DNAH14: variants seen among roughly 807,000 people sequenced by gnomAD.
The protein encoded by DNAH14 is dynein axonemal heavy chain 14.
A neutral mutation model predicts 520.9 loss-of-function variants in DNAH14; 478 were observed. The observed-to-expected ratio is 0.92, with a 90% CI of 0.85 to 0.99. The LOEUF is 0.99. DNAH14 is among the 50% of genes least tolerant of loss of function. DNAH14 has a pLI of 0.00. For synonymous variants in DNAH14, 1,581 were observed against 1,757.2 expected (o/e 0.90, Z 2.51); for missense variants, 4,831 against 5,234.5 (o/e 0.92, Z 2.38).
rs1277363494 is a variant in DNAH14 at position 225,007,465 on chromosome 1, A to G, written c.1028A>G (p.Gln343Arg). The change falls in exon 10 of 86, where the codon CAG becomes CGG. Residue 343 changes from glutamine (Q) to arginine (R), a missense_variant. Coordinates refer to ENST00000682510, the MANE Select transcript of DNAH14 (RefSeq NM_001367479.1). ...SLDEFCEEQL[Q>R]QATQALKQLE... ...GATGAATTTTGTGAAGAGCAGTTAC[A>G]GCAAGCTACCCAGGCATTGAAACAA... 1.9e-6 allele frequency: 3 copies of G among 1,542,398 alleles called. No homozygotes were observed. Among genetic ancestry groups the G allele is most frequent in the Non-Finnish European group, 2.6e-6 (3 of 1,141,602 alleles).
chr1:225,367,886 G>A lies in DNAH14; in HGVS notation c.12172G>A (p.Glu4058Lys), dbSNP rs1413317259. The A allele has an allele frequency of 1.2e-5, 18 of 1,551,504 alleles. No homozygotes were observed. Among genetic ancestry groups the A allele is most frequent in the African/African-American group, 2.7e-5 (2 of 73,044 alleles). ...GCTGSGEVTEEIFENPDCGQW... is the reference protein window; with the variant it reads ...GCTGSGEVTEKIFENPDCGQW... ...TACTGGGAGTGGAGAGGTAACAGAA[G>A]AGATATTTGAAAATCCTGACTGTGG... Residue 4058 changes from glutamate to lysine, a missense_variant, in exon 77 of 86, where the codon GAG (glutamate) becomes AAG (lysine). Physicochemically the swap from Glu to Lys is moderately conservative, Grantham distance 56. Coordinates refer to ENST00000682510, the MANE Select transcript of DNAH14 (RefSeq NM_001367479.1).
At chr1:225,046,864 A>G (rs1341454863) in intron 15 of DNAH14, among the ~76,000 whole-genome samples, 1 of 151,942 alleles carries the variant, frequency 6.6e-6, no homozygotes, top group East Asian at 1.9e-4. Flanking sequence ...TGGAAGAGTA[A>G]TTCTCCCCAG....
At chr1:225,308,559 T>G in intron 60 of DNAH14, 149 bp downstream of exon 60, 1 of 804,524 alleles carries the variant, frequency 1.2e-6, no homozygotes, top group Non-Finnish European at 1.9e-6. Context: ...AACTATTTAT[T>G]GAGTCCCTAC....
chr1:225,104,025 T>C (rs983005529), intron 23 of DNAH14, among the ~76,000 whole-genome samples: 1 of 152,110 alleles, frequency 6.6e-6, no homozygotes, highest in African/African-American at 2.4e-5. Context: ...GTGGCGTGGG[T>C]TTGTCATAGC....
intron 77 of DNAH14, 33 bp from the exon 78 acceptor site, chr1:225,374,655 C>T: frequency 6.7e-7 from 1 of 1,489,158 alleles, no homozygotes. Context: ...GAAACACATA[C>T]TGAAATAATA....
rs1264801752 is a variant in DNAH14, at chr1:225,266,671, C to A, written c.7441C>A (p.Pro2481Thr). ...ILIFIDDMNM[P>T]VSDMYGAQPP... Reference sequence around the variant, plus strand: ...AATATTTATTGATGATATGAATATGCCAGTATCAGATATGTATGGAGCACA... The same window carrying A: ...AATATTTATTGATGATATGAATATGACAGTATCAGATATGTATGGAGCACA... Residue 2481 changes from proline to threonine, a missense_variant, in exon 49 of 86, where the codon CCA becomes ACA. Pro to Thr is a conservative substitution (Grantham distance 38). Coordinates refer to ENST00000682510, the MANE Select transcript of DNAH14 (RefSeq NM_001367479.1). 7.3e-6 allele frequency: 11 copies of A among 1,504,492 alleles called. No individual in the cohort carries two copies. The East Asian group carries it at 2.8e-4, about 38-fold the overall frequency. The allele number at this position is 1,504,492 out of a possible 1,614,324, so 93.2% of individuals were successfully genotyped here.
At chr1:225,221,237 A>T (rs1213812981) in intron 41 of DNAH14, among the ~76,000 whole-genome samples, 1 of 152,232 alleles carries the variant, frequency 6.6e-6, no homozygotes, top group Non-Finnish European at 1.5e-5. Flanking sequence ...CATTCAGGAC[A>T]TAGGCATGGG....
At chr1:225,095,273 A>G (rs774005183) in intron 21 of DNAH14, among the ~76,000 whole-genome samples, 7 of 150,906 alleles carry the variant, frequency 4.6e-5, no homozygotes, top group Non-Finnish European at 1.0e-4. Flanking sequence ...AGTAGACTGG[A>G]TAAAGAAAAT....
At chr1:224,934,417 T>G (rs1014704632) in intron 1 of DNAH14, among the ~76,000 whole-genome samples, 1 of 151,878 alleles carries the variant, frequency 6.6e-6, no homozygotes, top group African/African-American at 2.4e-5. Context: ...CTTCAACAAT[T>G]GATTAAATCA....
At chr1:225,379,714 A>G (rs1490826813) in intron 79 of DNAH14, among the ~76,000 whole-genome samples, 1 of 152,002 alleles carries the variant, frequency 6.6e-6, no homozygotes, top group East Asian at 1.9e-4. Context: ...TAGTAGAGAC[A>G]GGGTTTTACC....
intron 81 of DNAH14, among the ~76,000 whole-genome samples, chr1:225,384,573 A>G (rs2095818380): frequency 6.6e-6 from 1 of 152,194 alleles, no homozygotes; most frequent in African/African-American, 2.4e-5. Context: ...AGAAATACAA[A>G]CTACCATCAG....
At chr1:225,349,550 T>G (rs1414918484) in intron 71 of DNAH14, among the ~76,000 whole-genome samples, 1 of 152,202 alleles carries the variant, frequency 6.6e-6, no homozygotes, top group African/African-American at 2.4e-5. Context: ...CTATATGCTG[T>G]CTACAGGAGA....
chr1:225,091,910 G>A (rs1271079831), intron 21 of DNAH14, among the ~76,000 whole-genome samples: 1 of 152,030 alleles, frequency 6.6e-6, no homozygotes, highest in Non-Finnish European at 1.5e-5. Flanking sequence ...GAAAAAAGCA[G>A]GGGTTGCTAT....
At chr1:225,376,072 A>G (rs1365164652) in intron 78 of DNAH14, among the ~76,000 whole-genome samples, 2 of 152,176 alleles carry the variant, frequency 1.3e-5, no homozygotes, top group Non-Finnish European at 2.9e-5. Context: ...TGGGCATCAG[A>G]GCAAGATCCT....
At chr1:225,307,660 G>A in intron 59 of DNAH14, 91 bp downstream of exon 59, 3 of 986,900 alleles carry the variant, frequency 3.0e-6, no homozygotes, top group Non-Finnish European at 2.8e-6. Context: ...GACAAAGACA[G>A]GCTAGAATTC....
At chr1:225,059,048 G>T (rs2069591771) in intron 17 of DNAH14, among the ~76,000 whole-genome samples, 1 of 152,160 alleles carries the variant, frequency 6.6e-6, no homozygotes, top group Admixed American at 6.5e-5. Context: ...AGGTCCGCTT[G>T]GTGCAGAGCT....
At chr1:225,305,898 A>G (rs1273008000) in intron 58 of DNAH14, among the ~76,000 whole-genome samples, 1 of 152,232 alleles carries the variant, frequency 6.6e-6, no homozygotes, top group Admixed American at 6.5e-5. Context: ...TCCATTTGCC[A>G]TAGGGAACAC....
chr1:224,947,023 T>C (rs2059887537), intron 1 of DNAH14, among the ~76,000 whole-genome samples: 1 of 151,564 alleles, frequency 6.6e-6, no homozygotes, highest in Non-Finnish European at 1.5e-5. Flanking sequence ...GTTCCAGTGA[T>C]TCTCCTGCCT....
rs556792624 is a variant in DNAH14, at chr1:225,173,752, A to T, written c.5535+5724A>T. ...AAATACCATTTGACCCAGCCATCCC[A>T]TTACTGGGTATATACCCAAAGGATT... On this transcript the variant is annotated intron_variant, in intron 36 of 85. Coordinates refer to ENST00000682510, the MANE Select transcript of DNAH14 (RefSeq NM_001367479.1). 7.2e-5 allele frequency among the ~76,000 whole-genome samples: 11 copies of T among 152,324 alleles called. No individual in the cohort carries two copies. In the East Asian group the frequency reaches 2.1e-3, roughly 29 times the overall value.
Sources: gnomAD v4.1 joint callset for allele counts (sites outside exome capture counted in the v4.1 genomes callset) on GRCh38, gnomAD v4.1.1 for gene constraint, MANE v1.5 for transcripts, NCBI Gene and HGNC (gene_info 2026-07-23, HGNC 2026-07-21) for gene names.